The following RAP1GDS1 variants were observed in gnomAD, a reference collection of about 807,000 sequenced individuals.
RAP1GDS1 encodes the protein RAP1, GTP-GDP dissociation stimulator 1.
In RAP1GDS1, 35 loss-of-function variants were observed where a neutral mutation model predicts 71.1. That is an observed-to-expected ratio of 0.49 (90% confidence interval 0.38 to 0.65). The LOEUF is 0.65. Ranked by LOEUF, RAP1GDS1 falls within the 30% of genes least tolerant of loss-of-function variation. The pLI, the probability that RAP1GDS1 is intolerant of heterozygous loss-of-function variation, is 0.00. For synonymous variants in RAP1GDS1, 229 were observed against 243.1 expected (o/e 0.94, Z 0.54); for missense variants, 663 against 706.1 (o/e 0.94, Z 0.69).
intron 2 of RAP1GDS1, among the ~76,000 whole-genome samples, chr4:98,334,181 A>G (rs940965864): frequency 6.6e-6 from 1 of 152,166 alleles, no homozygotes; most frequent in Admixed American, 6.5e-5. Context: ...GGCCAAGTAC[A>G]TCAGATTTTA....
In RAP1GDS1 at chr4:98,420,005, C is replaced by G. The variant is rs12512920; in HGVS notation, c.1175-14C>G. The G allele has an allele frequency of 0.083, 131,416 of 1,580,090 alleles. 7,985 individuals carry two copies. Among genetic ancestry groups the G allele is most frequent in the African/African-American group, 0.29 (21,094 of 73,696 alleles). ...GCTAATACCATTTTAACCATAGTCT[C>G]TCTTTTTCTCCAGTTATAAATAAAG... is the stretch of plus-strand genomic sequence containing the variant. On this transcript the variant is annotated splice_polypyrimidine_tract_variant and intron_variant, in intron 10 of 14. Transcript: ENST00000408927.
intron 2 of RAP1GDS1, among the ~76,000 whole-genome samples, chr4:98,303,385 A>T (rs1010379913): frequency 6.6e-6 from 1 of 152,064 alleles, no homozygotes; most frequent in African/African-American, 2.4e-5. Flanking sequence ...AATTTCAAAG[A>T]CTTAGTACAA....
chr4:98,370,608 G>C (rs568680608), intron 4 of RAP1GDS1, among the ~76,000 whole-genome samples: 1 of 149,050 alleles, frequency 6.7e-6, no homozygotes, highest in South Asian at 2.1e-4. Flanking sequence ...CTGTCACCCT[G>C]GCTGGAGTGC....
intron 2 of RAP1GDS1, among the ~76,000 whole-genome samples, chr4:98,324,280 C>G (rs1207518633): frequency 5.3e-5 from 8 of 151,372 alleles, no homozygotes; most frequent in African/African-American, 1.9e-4. Context: ...AGGACACAAA[C>G]AAATGGAAGA....
chr4:98,352,696 A>G, intron 4 of RAP1GDS1, 95 bp downstream of exon 4: 2 of 1,361,216 alleles, frequency 1.5e-6, no homozygotes, highest in East Asian at 2.5e-5. Context: ...TTTCTAGGCT[A>G]AAACACTAAC....
intron 2 of RAP1GDS1, among the ~76,000 whole-genome samples, chr4:98,306,032 A>G (rs188969191): frequency 5.9e-5 from 9 of 152,268 alleles, no homozygotes; most frequent in Admixed American, 3.3e-4. Flanking sequence ...AAAAGAGATG[A>G]ATTTGTTCTG....
chr4:98,328,181 G>A (rs1733421113), intron 2 of RAP1GDS1, among the ~76,000 whole-genome samples: 2 of 152,042 alleles, frequency 1.3e-5, no homozygotes, highest in Admixed American at 1.3e-4. Context: ...TACAGCATGT[G>A]GTATTAGCAA....
chr4:98,385,230 A>G (rs1431854736), intron 5 of RAP1GDS1, among the ~76,000 whole-genome samples: 1 of 151,744 alleles, frequency 6.6e-6, no homozygotes, highest in African/African-American at 2.4e-5. Context: ...CATATAGGCA[A>G]ATTTTCTCTT....
Position 98,261,444 on chromosome 4 carries a change from G to A in RAP1GDS1, c.-122G>A, listed in dbSNP as rs1002655315. ...CACCAGCTGCTCCTCCCCGGCGGCC[G>A]CCCCCCGCGGGTCCCTCCCTGGCTG... On this transcript the variant is annotated 5_prime_UTR_variant, in exon 1 of 15. Transcript: ENST00000408927. 3.0e-6 allele frequency: 3 copies of A among 998,792 alleles called. No individual in the cohort carries two copies. The highest frequency in any genetic ancestry group is 3.7e-5 in the East Asian group (1 of 26,884). The allele number at this position is 998,792 out of a possible 1,614,324, so 61.9% of individuals were successfully genotyped here.
intron 5 of RAP1GDS1, among the ~76,000 whole-genome samples, chr4:98,380,270 T>C (rs1359712315): frequency 6.6e-6 from 1 of 151,740 alleles, no homozygotes; most frequent in Admixed American, 6.6e-5. Flanking sequence ...TACTGCCCAA[T>C]CTTTATATTT....
chr4:98,295,831 T>C (rs1456041906), intron 2 of RAP1GDS1, among the ~76,000 whole-genome samples: 2 of 152,076 alleles, frequency 1.3e-5, no homozygotes, highest in African/African-American at 4.8e-5. Flanking sequence ...AAGTGATATA[T>C]GTATTTTATA....
chr4:98,433,517 C>A (rs1022391030), intron 12 of RAP1GDS1, among the ~76,000 whole-genome samples: 1 of 152,026 alleles, frequency 6.6e-6, no homozygotes. Context: ...TGGTCTCAAG[C>A]GATCCTCCTG....
chr4:98,285,526 C>G (rs549905749), intron 1 of RAP1GDS1, among the ~76,000 whole-genome samples: 1 of 151,982 alleles, frequency 6.6e-6, no homozygotes, highest in Admixed American at 6.6e-5. Flanking sequence ...CTTGTAGGAA[C>G]AAAGGAATAT....
intron 1 of RAP1GDS1, 71 bp downstream of exon 1, chr4:98,261,640 C>T: frequency 6.5e-7 from 1 of 1,529,352 alleles, no homozygotes; most frequent in Non-Finnish European, 8.9e-7. Flanking sequence ...GGGTGGGAAG[C>T]ATTTCTCGCG....
intron 1 of RAP1GDS1, among the ~76,000 whole-genome samples, chr4:98,278,935 C>G (rs1318114661): frequency 6.6e-6 from 1 of 152,036 alleles, no homozygotes; most frequent in East Asian, 1.9e-4. Flanking sequence ...AATAATAGGG[C>G]CACTAGGCCG....
At chr4:98,434,158 G>C in intron 13 of RAP1GDS1, 96 bp downstream of exon 13, 2 of 1,436,534 alleles carry the variant, frequency 1.4e-6, no homozygotes, top group African/African-American at 1.4e-5. Context: ...ACCTTGACTG[G>C]AAGCATTTTG....
intron 2 of RAP1GDS1, among the ~76,000 whole-genome samples, chr4:98,328,037 A>G (rs1417858200): frequency 6.6e-6 from 1 of 152,224 alleles, no homozygotes; most frequent in Non-Finnish European, 1.5e-5. Flanking sequence ...GAGCCATGAA[A>G]CCTAGCGTAA....
chr4:98,330,727 A>G (rs1280840133), intron 2 of RAP1GDS1, among the ~76,000 whole-genome samples: 1 of 148,590 alleles, frequency 6.7e-6, no homozygotes, highest in East Asian at 2.0e-4. Context: ...GGCTCCTCAC[A>G]TCCCAGACGA....
At chr4:98,414,700 C>G (rs1747656804) in intron 7 of RAP1GDS1, among the ~76,000 whole-genome samples, 1 of 151,492 alleles carries the variant, frequency 6.6e-6, no homozygotes, top group South Asian at 2.1e-4. Flanking sequence ...GCGATGCGGG[C>G]TCTTTCTTGG....
Sources: allele counts gnomAD v4.1 joint callset (sites outside exome capture counted in the v4.1 genomes callset), GRCh38; gene constraint gnomAD v4.1.1; transcripts MANE v1.5; gene names NCBI Gene and HGNC (gene_info 2026-07-23, HGNC 2026-07-21).